ATP5PF: variants seen among roughly 807,000 people sequenced by gnomAD.
ATP5PF encodes the protein ATP synthase peripheral stalk subunit F6, mitochondrial.
In ATP5PF, 7 loss-of-function variants were observed where a neutral mutation model predicts 12.0. The observed-to-expected ratio is 0.58, with a 90% confidence interval of 0.33 to 1.10. The LOEUF (loss-of-function observed/expected upper bound fraction) is 1.10. Among genes scored for constraint, ATP5PF ranks in the 50% least tolerant of loss-of-function variants. The pLI is 0.03. For missense variants in ATP5PF, 120 were observed against 127.7 expected, an observed-to-expected ratio of 0.94 and a Z score of 0.29; for synonymous variants, 41 against 45.4, an observed-to-expected ratio of 0.90 and a Z score of 0.39.
At chr21:25,734,246 T>G in intron 1 of ATP5PF, 1 of 856,852 alleles carries the variant, frequency 1.2e-6, no homozygotes, top group Non-Finnish European at 1.4e-6. Context: ...TCAGAAAGAC[T>G]GGGGAAGGCA....
intron 2 of ATP5PF, among the ~76,000 whole-genome samples, chr21:25,726,370 A>C (rs957951224): frequency 6.6e-6 from 1 of 152,248 alleles, no homozygotes; most frequent in Non-Finnish European, 1.5e-5. Flanking sequence ...TGATTTAACA[A>C]AAAGCTATTC....
chr21:25,729,650 C>T lies in ATP5PF; in HGVS notation c.145G>A (p.Glu49Lys). ...IQKLFVDKIR[E>K]YKSKRQTSGG... ...ACTTACTGTCGCTTAGATTTGTATT[C>T]TCTAATCTTGTCCACAAAGAGTTTC... The change falls in exon 2 of 4, where the codon GAA becomes AAA. Residue 49 changes from glutamate to lysine, a missense_variant. Glu to Lys is a moderately conservative substitution (Grantham distance 56, BLOSUM62 1). Transcript: ENST00000284971. 2 of 1,594,306 alleles carry T rather than the reference C, an allele frequency of 1.3e-6. No homozygotes were observed. Among genetic ancestry groups the T allele is most frequent in the Non-Finnish European group, 1.7e-6 (2 of 1,169,070 alleles).
At chr21:25,733,196 T>C (rs983651622) in intron 1 of ATP5PF, among the ~76,000 whole-genome samples, 1 of 151,994 alleles carries the variant, frequency 6.6e-6, no homozygotes, top group Non-Finnish European at 1.5e-5. Flanking sequence ...CTTATTATCA[T>C]TCCTATGTTT....
rs1292146827 is a variant in ATP5PF, at chr21:25,724,685, G to A, written c.290-8C>T. The A allele has an allele frequency of 6.3e-7, 1 of 1,593,382 alleles. No homozygotes were observed. The highest frequency in any genetic ancestry group is 1.4e-5 in the African/African-American group (1 of 73,290). ...TGACTTCAAATTTGGGATCTAAGAA[G>A]AGGGGGAAAAAAGGGTCAAGCTTAG... On this transcript the variant is annotated splice_region_variant and splice_polypyrimidine_tract_variant and intron_variant, in intron 3 of 3. Transcript: ENST00000284971.
Position 25,724,565 on chromosome 21 carries a change from T to G in ATP5PF, c.*75A>C. ...GAACATTTGACAGTTATGAAATGCA[T>G]GTTTATTCTGAAACTTCTAACTAGT... is the stretch of plus-strand genomic sequence containing the variant. On this transcript the variant is annotated 3_prime_UTR_variant, in exon 4 of 4. Transcript: ENST00000284971. The G allele has an allele frequency of 1.4e-6, 2 of 1,473,398 alleles. No individual in the cohort carries two copies. The highest frequency in any genetic ancestry group is 1.9e-6 in the Non-Finnish European group (2 of 1,066,030). 91.3% of individuals were successfully genotyped at this position (1,473,398 alleles called of 1,614,324 possible). A position where few individuals can be genotyped will look rare whatever the true frequency, so the allele number is the denominator to read the frequency against.
At chr21:25,733,302 G>T (rs929287957) in intron 1 of ATP5PF, among the ~76,000 whole-genome samples, 11 of 152,212 alleles carry the variant, frequency 7.2e-5, no homozygotes, top group Admixed American at 2.0e-4. Context: ...GGCCGAGGCG[G>T]GCAGATCACG....
Position 25,724,529 on chromosome 21 carries a change from C to G in ATP5PF, c.*111G>C. ...CATCACCAAATAATTTATTTGGACT[C>G]AGAATTAAAAGAACATTTGACAGTT... On this transcript the variant is annotated 3_prime_UTR_variant, in exon 4 of 4. Transcript: ENST00000284971. The G allele has an allele frequency of 1.6e-6, 2 of 1,232,366 alleles. No homozygotes were observed. The highest frequency in any genetic ancestry group is 2.3e-6 in the Non-Finnish European group (2 of 869,478). 76.3% of individuals were successfully genotyped at this position (1,232,366 alleles called of 1,614,324 possible).
intron 1 of ATP5PF, among the ~76,000 whole-genome samples, chr21:25,732,132 GTTT>G (rs984707773): frequency 1.3e-5 from 2 of 152,108 alleles, no homozygotes; most frequent in African/African-American, 2.4e-5. Context: ...GAAGAAGTGA[GTTT>G]TTTTCTCTCC....
intron 2 of ATP5PF, among the ~76,000 whole-genome samples, 160 bp downstream of exon 2, chr21:25,729,471 A>G (rs1203899937): frequency 6.6e-6 from 1 of 152,168 alleles, no homozygotes; most frequent in Non-Finnish European, 1.5e-5. Flanking sequence ...AAAAATCAAG[A>G]TCCTTATCTT....
chr21:25,730,736 C>CACAAAA lies in ATP5PF; in HGVS notation c.-7-936_-7-935insTTTTGT, dbSNP rs1219090743. ...GCAACAAGAGCAAGACTCCGTCTCA[C>CACAAAA]AAAAAAAAAAAAAAAAAAAAAAAAA... On this transcript the variant is annotated intron_variant, in intron 1 of 3. Transcript: ENST00000284971. Among the ~76,000 whole-genome samples the CACAAAA allele has an allele frequency of 9.1e-4, 29 of 31,896 alleles. 3 individuals are homozygous for CACAAAA. The highest frequency in any genetic ancestry group is 1.5e-3 in the Non-Finnish European group (21 of 14,384). The allele number at this position is 31,896 out of a possible 152,430, so 20.9% of individuals were successfully genotyped here.
intron 2 of ATP5PF, 107 bp downstream of exon 2, chr21:25,729,524 C>T (rs548384068): frequency 3.9e-6 from 4 of 1,025,730 alleles, no homozygotes; most frequent in African/African-American, 3.2e-5. Flanking sequence ...CAGAGATGAG[C>T]TCAGTGAAGG....
intron 3 of ATP5PF, 41 bp downstream of exon 3, chr21:25,725,184 CT>C: frequency 1.9e-6 from 3 of 1,578,564 alleles, no homozygotes; most frequent in Non-Finnish European, 2.6e-6. Flanking sequence ...ATATTCTTCA[CT>C]TATCCCCCAC....
upstream of ATP5PF, chr21:25,735,316 T>C (rs891640259): frequency 1.4e-5 from 4 of 281,666 alleles, no homozygotes; most frequent in African/African-American, 2.2e-5. Flanking sequence ...TCCTTGTACC[T>C]CGTGAGCCTC....
At chr21:25,734,329 T>C (rs1401926183) in intron 1 of ATP5PF, 7 of 986,180 alleles carry the variant, frequency 7.1e-6, no homozygotes, top group East Asian at 1.1e-4. Flanking sequence ...TAGTGATGAC[T>C]GACCGGCCAA....
At chr21:25,735,238 T>G (rs71649643), upstream of ATP5PF, 9 of 570,086 alleles carry the variant, frequency 1.6e-5, no homozygotes, top group African/African-American at 1.1e-4. Flanking sequence ...TCGTTAGGGT[T>G]ATCGAAGTGT....
chr21:25,725,991 G>A (rs1250041519), intron 2 of ATP5PF, among the ~76,000 whole-genome samples: 1 of 152,154 alleles, frequency 6.6e-6, no homozygotes, highest in Non-Finnish European at 1.5e-5. Flanking sequence ...GACTGGTCCT[G>A]TTTGAGTGTA....
intron 1 of ATP5PF, among the ~76,000 whole-genome samples, chr21:25,733,852 T>C (rs1233220225): frequency 6.6e-6 from 1 of 152,238 alleles, no homozygotes; most frequent in Non-Finnish European, 1.5e-5. Context: ...TCTGACTGCA[T>C]AGATGTTACT....
intron 1 of ATP5PF, among the ~76,000 whole-genome samples, chr21:25,732,453 C>A (rs2034808984): frequency 6.6e-6 from 1 of 151,484 alleles, no homozygotes; most frequent in South Asian, 2.1e-4. Flanking sequence ...TCAAGACCAG[C>A]CTGGGCAACA....
At chr21:25,735,182 G>A (rs1351778901), upstream of ATP5PF, 1 of 606,356 alleles carries the variant, frequency 1.6e-6, no homozygotes, top group South Asian at 1.9e-5. Flanking sequence ...CGCTCTTTGA[G>A]TGGCCTTTCC....
Sources: gnomAD v4.1 joint callset for allele counts (sites outside exome capture counted in the v4.1 genomes callset) on GRCh38, gnomAD v4.1.1 for gene constraint, MANE v1.5 for transcripts, NCBI Gene and HGNC (gene_info 2026-07-23, HGNC 2026-07-21) for gene names.